The following CCBE1 variants were observed in gnomAD, a reference collection of about 807,000 sequenced individuals.
CCBE1 encodes collagen and calcium-binding EGF domain-containing protein 1.
CCBE1 carries 37 observed loss-of-function variants against 50.0 expected under a neutral mutation model. The ratio of observed to expected loss-of-function variants is 0.74; its 90% CI spans 0.57 to 0.97. The LOEUF (loss-of-function observed/expected upper bound fraction) is 0.97, where lower values mean the gene tolerates loss of function less well. CCBE1 is among the 50% of genes least tolerant of loss of function. The pLI, the probability that CCBE1 is intolerant of heterozygous loss-of-function variation, is 0.00. For synonymous variants in CCBE1, 234 were observed against 203.7 expected (o/e 1.15, Z -1.27); for missense variants, 538 against 523.8 (o/e 1.03, Z -0.26).
intron 2 of CCBE1, among the ~76,000 whole-genome samples, chr18:59,637,641 T>C (rs1393615134): frequency 1.3e-5 from 2 of 152,176 alleles, no homozygotes; most frequent in Non-Finnish European, 2.9e-5. Context: ...ATGACAATAT[T>C]AGGAATCACA....
intron 2 of CCBE1, among the ~76,000 whole-genome samples, chr18:59,495,970 C>T (rs1401183918): frequency 6.6e-6 from 1 of 152,098 alleles, no homozygotes; most frequent in South Asian, 2.1e-4. Context: ...AGGGTATACT[C>T]TTTTAAAACA....
intron 2 of CCBE1, among the ~76,000 whole-genome samples, chr18:59,495,104 T>A (rs903389650): frequency 5.9e-5 from 9 of 152,172 alleles, no homozygotes; most frequent in African/African-American, 1.2e-4. Context: ...ATCACACCAC[T>A]GCACTCCAGC....
At chr18:59,448,225 G>C in intron 6 of CCBE1, 122 bp from the exon 7 acceptor site, 2 of 1,371,546 alleles carry the variant, frequency 1.5e-6, no homozygotes, top group Admixed American at 2.0e-5. Context: ...TTTTACTAGA[G>C]CTAGTTAGAG....
intron 2 of CCBE1, among the ~76,000 whole-genome samples, chr18:59,625,300 G>A (rs983625948): frequency 2.6e-4 from 39 of 152,050 alleles, no homozygotes; most frequent in Middle Eastern, 3.4e-3. Context: ...GTGTGGTGGT[G>A]GGCGCCTGTG....
Position 59,469,470 on chromosome 18 carries a change from C to T in CCBE1, c.400+3G>A, listed in dbSNP as rs902697972. Reference sequence around the variant, plus strand: ...GCTGGAAACAAGCACATTCCCAACACACCCAGACAGTATGGCTTCTCCCGC... The same window carrying T: ...GCTGGAAACAAGCACATTCCCAACATACCCAGACAGTATGGCTTCTCCCGC... On this transcript the variant is annotated splice_donor_region_variant and intron_variant, in intron 4 of 10. Transcript: ENST00000439986. 5 of 1,614,114 alleles carry T rather than the reference C, an allele frequency of 3.1e-6. No individual in the cohort carries two copies. The African/African-American group carries it at 6.7e-5, about 22-fold the overall frequency.
intron 2 of CCBE1, among the ~76,000 whole-genome samples, chr18:59,557,144 C>T (rs2144434697): frequency 6.6e-6 from 1 of 152,320 alleles, no homozygotes; most frequent in South Asian, 2.1e-4. Context: ...GTGAAGCTCC[C>T]AGCAGAGGAC....
At chr18:59,494,519 C>T (rs552637826) in intron 2 of CCBE1, among the ~76,000 whole-genome samples, 55 of 64,650 alleles carry the variant, frequency 8.5e-4, no homozygotes, top group African/African-American at 4.9e-3. Context: ...AAAATGAGGA[C>T]AGATTTTTTT....
chr18:59,510,878 G>T (rs1034735767), intron 2 of CCBE1, among the ~76,000 whole-genome samples: 1 of 152,192 alleles, frequency 6.6e-6, no homozygotes, highest in South Asian at 2.1e-4. Context: ...TATGGATTCT[G>T]ATTCTCCTGA....
chr18:59,527,231 A>G (rs1310727230), intron 2 of CCBE1, among the ~76,000 whole-genome samples: 1 of 152,182 alleles, frequency 6.6e-6, no homozygotes, highest in Non-Finnish European at 1.5e-5. Context: ...TGTTGAATTG[A>G]ACCCTTTACC....
chr18:59,572,011 G>C (rs2052922410), intron 2 of CCBE1, among the ~76,000 whole-genome samples: 1 of 152,212 alleles, frequency 6.6e-6, no homozygotes, highest in South Asian at 2.1e-4. Flanking sequence ...ATCCTTTTCA[G>C]AATGATCAAA....
At chr18:59,484,906 T>C (rs1326047207) in intron 2 of CCBE1, among the ~76,000 whole-genome samples, 3 of 152,244 alleles carry the variant, frequency 2.0e-5, no homozygotes, top group Non-Finnish European at 4.4e-5. Flanking sequence ...CACGTTATAC[T>C]GTTTCAAAGA....
intron 2 of CCBE1, among the ~76,000 whole-genome samples, chr18:59,608,835 C>T (rs918536439): frequency 1.4e-4 from 22 of 152,204 alleles, no homozygotes; most frequent in African/African-American, 5.3e-4. Context: ...ATCCTTGCTG[C>T]CCATCTGTTT....
chr18:59,506,933 G>A (rs1165831471), intron 2 of CCBE1, among the ~76,000 whole-genome samples: 2 of 152,126 alleles, frequency 1.3e-5, no homozygotes, highest in South Asian at 4.1e-4. Flanking sequence ...GTCCTGTACT[G>A]GGTCTTCTTT....
chr18:59,465,913 G>A (rs1184795270), intron 5 of CCBE1, among the ~76,000 whole-genome samples: 7 of 151,988 alleles, frequency 4.6e-5, no homozygotes, highest in Non-Finnish European at 1.0e-4. Context: ...TTGGTGGAGA[G>A]CTTCCTCCAG....
At chr18:59,527,083 T>G (rs918801729) in intron 2 of CCBE1, among the ~76,000 whole-genome samples, 1 of 152,244 alleles carries the variant, frequency 6.6e-6, no homozygotes, top group Admixed American at 6.5e-5. Flanking sequence ...CTCGATGATC[T>G]AATATTGACA....
intron 2 of CCBE1, among the ~76,000 whole-genome samples, chr18:59,657,891 A>C (rs2054212645): frequency 6.6e-6 from 1 of 151,138 alleles, no homozygotes; most frequent in Admixed American, 6.6e-5. Context: ...ACAACAACAA[A>C]CAACAACAAC....
Position 59,521,589 on chromosome 18 carries a change from G to A in CCBE1, c.213-41351C>T, listed in dbSNP as rs1198218594. On this transcript the variant is annotated intron_variant, in intron 2 of 10. Coordinates refer to ENST00000439986, the MANE Select transcript of CCBE1 (RefSeq NM_133459.4). ...CACCCACACATCTCTGGATACTTCT[G>A]CCAGCCATAGATTTTCCTTCTGTGT... Among the ~76,000 whole-genome samples, 5 of 152,164 alleles carry A rather than the reference G, an allele frequency of 3.3e-5. No homozygotes were observed. In the East Asian group the frequency reaches 7.7e-4, roughly 23 times the overall value.
At chr18:59,526,720 A>G (rs1390821398) in intron 2 of CCBE1, among the ~76,000 whole-genome samples, 1 of 152,100 alleles carries the variant, frequency 6.6e-6, no homozygotes, top group Non-Finnish European at 1.5e-5. Flanking sequence ...GTTTGTTCTC[A>G]TTGGTTTCAA....
chr18:59,602,949 T>C (rs1381486684), intron 2 of CCBE1, among the ~76,000 whole-genome samples: 2 of 152,324 alleles, frequency 1.3e-5, no homozygotes, highest in African/African-American at 2.4e-5. Context: ...TAAGCCTCTG[T>C]GCCTTGTCTC....
Sources: gnomAD v4.1 joint callset for allele counts (sites outside exome capture counted in the v4.1 genomes callset) on GRCh38, gnomAD v4.1.1 for gene constraint, MANE v1.5 for transcripts, NCBI Gene and HGNC (gene_info 2026-07-23, HGNC 2026-07-21) for gene names.